The following RPGR variants were observed in gnomAD, a reference collection of about 807,000 sequenced individuals.
The protein encoded by RPGR is X-linked retinitis pigmentosa GTPase regulator.
In RPGR, 10 loss-of-function variants were observed where a neutral mutation model predicts 56.3. The observed-to-expected ratio is 0.18, with a 90% CI of 0.11 to 0.30. The LOEUF (loss-of-function observed/expected upper bound fraction) is 0.30, where lower values mean the gene tolerates loss of function less well. Ranked by LOEUF, RPGR falls within the 10% of genes least tolerant of loss-of-function variation. The pLI is 1.00. For synonymous variants in RPGR, 197 were observed against 212.9 expected (o/e 0.93, Z 0.65); for missense variants, 538 against 590.9 (o/e 0.91, Z 0.93).
chrX:38,308,953 T>C (rs771303701), intron 7 of RPGR, among the ~76,000 whole-genome samples: 1 of 111,997 alleles, frequency 8.9e-6, no homozygotes, highest in Non-Finnish European at 1.9e-5. Context: ...CATCTTAGAA[T>C]TGGATATTAT....
intron 16 of RPGR, chrX:38,275,290 T>G: frequency 2.1e-6 from 1 of 483,849 alleles, no homozygotes; most frequent in East Asian, 3.8e-5. Flanking sequence ...TGCTGAGCTC[T>G]TGTAAAGTGA....
rs1164621701 is a variant in RPGR at position 38,299,202 on chromosome X, AAC to A, written c.1060-63_1060-62del. 1.6e-5 allele frequency: 18 copies of A among 1,097,002 alleles called. No homozygotes were observed. The Admixed American group carries it at 3.4e-4, about 20-fold the overall frequency. The allele number at this position is 1,097,002 out of a possible 1,213,427, so 90.4% of individuals were successfully genotyped here. On this transcript the variant is annotated intron_variant, in intron 9 of 18. Coordinates refer to ENST00000642395, the MANE Select transcript of RPGR (RefSeq NM_000328.3). ...TGGCTTCAAACACAAATGAGTTTTT[AAC>A]AGTTATCAGCTGTAAGACATTTATT...
At chrX:38,286,776 C>G (rs147619484) in intron 15 of RPGR, 1 of 1,157,961 alleles carries the variant, frequency 8.6e-7, no homozygotes. Context: ...TGTCTCCCTC[C>G]TCTTCTTCTC....
chrX:38,298,510 A>G (rs773710205), intron 10 of RPGR: 31 of 272,464 alleles, frequency 1.1e-4, no homozygotes, highest in Non-Finnish European at 2.0e-4. Flanking sequence ...TCTGAACAAC[A>G]TAACATTGTG....
At chrX:38,292,542 T>C (rs1035854902) in intron 11 of RPGR, among the ~76,000 whole-genome samples, 13 of 112,312 alleles carry the variant, frequency 1.2e-4, no homozygotes, top group Non-Finnish European at 1.9e-4. Context: ...ATCCACTGAA[T>C]TGAATGAGCA....
At chrX:38,306,533 T>C (rs1489642605) in intron 7 of RPGR, among the ~76,000 whole-genome samples, 1 of 112,432 alleles carries the variant, frequency 8.9e-6, no homozygotes, top group Admixed American at 9.4e-5. Context: ...TAAGAAAATA[T>C]GCTGTATCAA....
At chrX:38,292,269 CT>C (rs962244100) in intron 11 of RPGR, among the ~76,000 whole-genome samples, 17 of 112,451 alleles carry the variant, frequency 1.5e-4, no homozygotes, top group African/African-American at 4.8e-4. Flanking sequence ...ATAATAAATG[CT>C]TTTTGTTTTA....
intron 2 of RPGR, 121 bp from the exon 3 acceptor site, chrX:38,323,066 A>C (rs905743316): frequency 1.5e-5 from 9 of 586,883 alleles, no homozygotes; most frequent in Non-Finnish European, 2.6e-5. Flanking sequence ...GTGTTGAAAT[A>C]AGTTACCTTG....
At chrX:38,293,854 A>G (rs1051132406) in intron 11 of RPGR, among the ~76,000 whole-genome samples, 1 of 111,146 alleles carries the variant, frequency 9.0e-6, no homozygotes, top group African/African-American at 3.3e-5. Context: ...AACTTTCCTT[A>G]TACTTTCTCT....
intron 15 of RPGR, chrX:38,285,266 G>A: frequency 2.0e-6 from 2 of 990,067 alleles, no homozygotes; most frequent in East Asian, 4.5e-5. Flanking sequence ...AATATATAAT[G>A]TTAATAATCT....
In RPGR at chrX:38,323,491, T is replaced by G. The variant is rs954443015; in HGVS notation, c.62A>C (p.Lys21Thr). 1 of 1,209,686 alleles carries G rather than the reference T, an allele frequency of 8.3e-7. No individual in the cohort carries two copies. Among genetic ancestry groups the G allele is most frequent in the Non-Finnish European group, 1.1e-6 (1 of 894,292 alleles). Residue 21 changes from lysine (K) to threonine (T), a missense_variant, in exon 2 of 19, where the codon AAA becomes ACA. This residue lies in a region of RPGR where 181 missense variants were observed against 265.1 expected (regional missense o/e 0.68). Coordinates refer to ENST00000642395, the MANE Select transcript of RPGR (RefSeq NM_000328.3). The stretch of plus-strand genomic sequence containing the variant: ...TTTACCGGGATTATTTTCAGCAAAT[T>G]TACTTTTCCCAAATGTAAACACAGC...
intron 6 of RPGR, among the ~76,000 whole-genome samples, chrX:38,314,895 A>C (rs2067788377): frequency 9.0e-6 from 1 of 111,660 alleles, no homozygotes; most frequent in Admixed American, 9.5e-5. Context: ...TGATCCAGCA[A>C]TCCCACTGCT....
rs376653587 is a variant in RPGR at position 38,269,578 on chromosome X, A to G, written c.*48T>C. The G allele has an allele frequency of 6.4e-6, 6 of 932,960 alleles. No individual in the cohort carries two copies. Among genetic ancestry groups the G allele is most frequent in the African/African-American group, 2.0e-5 (1 of 51,267 alleles). The allele number at this position is 932,960 out of a possible 1,213,427, so 76.9% of individuals were successfully genotyped here. A position where few individuals can be genotyped will look rare whatever the true frequency, so the allele number is the denominator to read the frequency against. On this transcript the variant is annotated 3_prime_UTR_variant, in exon 19 of 19. Transcript: ENST00000642395. ...ACTTCATAAGTTATAACATTTTTCAAGTATACATTACAATACACTTGGTGA... is the reference window on the plus strand; with the variant it reads ...ACTTCATAAGTTATAACATTTTTCAGGTATACATTACAATACACTTGGTGA...
At chrX:38,286,979 TCTC>T (rs1296602823) in intron 15 of RPGR, 5 of 1,209,449 alleles carry the variant, frequency 4.1e-6, no homozygotes, top group East Asian at 3.0e-5. Context: ...CCCTTCTCCC[TCTC>T]CTCATCTTGC....
chrX:38,303,838 A>G, intron 8 of RPGR: 1 of 296,950 alleles, frequency 3.4e-6, no homozygotes, highest in East Asian at 4.8e-5. Context: ...AAGGAAAAAA[A>G]GTAGAAATAC....
At chrX:38,322,573 T>TAACA (rs1367904914) in intron 3 of RPGR, among the ~76,000 whole-genome samples, 1 of 112,032 alleles carries the variant, frequency 8.9e-6, no homozygotes, top group Non-Finnish European at 1.9e-5. Flanking sequence ...TTTTACAAAC[T>TAACA]AACAAACAAA....
rs35504232 is a variant in RPGR, at chrX:38,321,659, C to CAA, written c.248-572_248-571dup. On this transcript the variant is annotated intron_variant, in intron 3 of 18. Coordinates refer to ENST00000642395, the MANE Select transcript of RPGR (RefSeq NM_000328.3). ...TGGGTGACAGAGCAAGACCCTGTCT[C>CAA]AAAAAAAAAAAAACAACAACTTCAC... 3.9e-3 allele frequency among the ~76,000 whole-genome samples: 361 copies of CAA among 92,610 alleles called. 1 individual carries two copies. Among genetic ancestry groups the CAA allele is most frequent in the African/African-American group, 0.013 (340 of 25,488 alleles). The allele number at this position is 92,610 out of a possible 115,157, so 80.4% of individuals were successfully genotyped here.
At chrX:38,323,140 G>GT (rs1169883273) in intron 2 of RPGR, among the ~76,000 whole-genome samples, 195 bp from the exon 3 acceptor site, 3 of 111,727 alleles carry the variant, frequency 2.7e-5, no homozygotes, top group African/African-American at 9.7e-5. Flanking sequence ...ACGGTAACAG[G>GT]TTTTTTTAAA....
In RPGR at chrX:38,299,107, G is replaced by A. The variant is rs773986350; in HGVS notation, c.1094C>T (p.Ala365Val). Reference sequence around the variant, plus strand: ...TTTTGCCACACCACGATGAGGAGCAGCAAAAACTACCATGTGACATCCACC... The same window carrying A: ...TTTTGCCACACCACGATGAGGAGCAACAAAAACTACCATGTGACATCCACC... Residue 365 changes from alanine to valine, a missense_variant, in exon 10 of 19, where the codon GCT becomes GTT. By Grantham distance (64) the Ala-to-Val change is moderately conservative. This residue lies in a region of RPGR where 357 missense variants were observed against 325.8 expected (regional missense o/e 1.10). Transcript: ENST00000642395. The A allele has an allele frequency of 3.3e-6, 4 of 1,211,316 alleles. No individual in the cohort carries two copies. Among genetic ancestry groups the A allele is most frequent in the Non-Finnish European group, 4.5e-6 (4 of 895,247 alleles).
Sources: gnomAD v4.1 joint callset for allele counts (sites outside exome capture counted in the v4.1 genomes callset) on GRCh38, gnomAD v4.1.1 for gene constraint, gnomAD v4.1.1 regional missense constraint, MANE v1.5 for transcripts, NCBI Gene and HGNC (gene_info 2026-07-23, HGNC 2026-07-21) for gene names.